ZNF385B: variants seen among roughly 807,000 people sequenced by gnomAD.
The protein encoded by ZNF385B is zinc finger protein 385B, also known as zinc finger protein 533.
In ZNF385B, 23 loss-of-function variants were observed where a neutral mutation model predicts 39.2. That is an observed-to-expected ratio of 0.59 (90% CI 0.42 to 0.83). ZNF385B has a LOEUF of 0.83. ZNF385B is among the 40% of genes least tolerant of loss of function. The pLI, the probability that ZNF385B is intolerant of heterozygous loss-of-function variation, is 0.00. For missense variants in ZNF385B, 552 were observed against 598.9 expected (o/e 0.92, Z 0.82); for synonymous variants, 205 against 222.6 (o/e 0.92, Z 0.70).
chr2:179,750,163 G>T (rs1702590483), intron 3 of ZNF385B, among the ~76,000 whole-genome samples: 1 of 152,042 alleles, frequency 6.6e-6, no homozygotes, highest in East Asian at 1.9e-4. Context: ...TGACACCATT[G>T]AAAACGGCTG....
intron 3 of ZNF385B, among the ~76,000 whole-genome samples, chr2:179,717,450 T>C (rs1244585721): frequency 6.6e-6 from 1 of 152,144 alleles, no homozygotes; most frequent in Admixed American, 6.6e-5. Context: ...TAAGAAAGTA[T>C]GGCTGGGCAC....
intron 1 of ZNF385B, among the ~76,000 whole-genome samples, chr2:179,771,113 G>A (rs1703984007): frequency 6.6e-6 from 1 of 151,884 alleles, no homozygotes; most frequent in South Asian, 2.1e-4. Context: ...AGAGATGAGG[G>A]GTTTATATGA....
At chr2:179,745,819 C>T (rs1164553079) in intron 3 of ZNF385B, 21 of 1,420,704 alleles carry the variant, frequency 1.5e-5, no homozygotes, top group Admixed American at 2.8e-5. Context: ...TAATGCACAG[C>T]GCTACCGAGA....
At chr2:179,718,970 G>GTGTGTA (rs1336292033) in intron 3 of ZNF385B, among the ~76,000 whole-genome samples, 2 of 120,798 alleles carry the variant, frequency 1.7e-5, no homozygotes, top group Admixed American at 7.8e-5. Context: ...GTGTGTGTGT[G>GTGTGTA]TATATATATT....
Position 179,544,887 on chromosome 2 carries a change from T to A in ZNF385B, c.381A>T (p.Pro127=). ...LMMQPSLDIK[P]FMSFPVDSSS... The stretch of plus-strand genomic sequence containing the variant: ...TACTGTCCACTGGAAAAGACATAAA[T>A]GGTTTGATATCCAGTGAAGGCTGCA... Residue 127 remains proline, a synonymous_variant, in exon 4 of 10, where the codon CCA becomes CCT. Coordinates refer to ENST00000410066, the MANE Select transcript of ZNF385B (RefSeq NM_152520.6). 1 of 1,614,074 alleles carries A rather than the reference T, an allele frequency of 6.2e-7. No homozygotes were observed. The highest frequency in any genetic ancestry group is 1.1e-5 in the South Asian group (1 of 91,084).
At chr2:179,616,157 T>A (rs924688733) in intron 3 of ZNF385B, among the ~76,000 whole-genome samples, 2 of 152,178 alleles carry the variant, frequency 1.3e-5, no homozygotes, top group African/African-American at 4.8e-5. Context: ...AGTTTCCTCA[T>A]CTCTTAAGCA....
At chr2:179,591,660 CT>C (rs938639341) in intron 3 of ZNF385B, among the ~76,000 whole-genome samples, 3 of 152,200 alleles carry the variant, frequency 2.0e-5, no homozygotes, top group Non-Finnish European at 4.4e-5. Flanking sequence ...AGTAAAGCCA[CT>C]GAACTTTCTC....
chr2:179,602,842 A>G (rs185506590), intron 3 of ZNF385B, among the ~76,000 whole-genome samples: 2 of 152,344 alleles, frequency 1.3e-5, no homozygotes, highest in East Asian at 3.9e-4. Context: ...CTTGAAAGGT[A>G]CATGCATTGC....
chr2:179,442,967 C>T lies in ZNF385B; in HGVS notation c.*283G>A. ...TTTTTCTTTCTGACCAATACATGCT[C>T]AAGAAATCAAATATCTGAGATACAC... On this transcript the variant is annotated 3_prime_UTR_variant, in exon 10 of 10. Coordinates refer to ENST00000410066, the MANE Select transcript of ZNF385B (RefSeq NM_152520.6). 2 of 517,278 alleles carry T rather than the reference C, an allele frequency of 3.9e-6. No homozygotes were observed. The highest frequency in any genetic ancestry group is 4.3e-5 in the South Asian group (2 of 46,850). The allele number at this position is 517,278 out of a possible 1,614,324, so 32.0% of individuals were successfully genotyped here.
intron 3 of ZNF385B, among the ~76,000 whole-genome samples, chr2:179,699,148 C>T (rs1411055819): frequency 1.3e-5 from 2 of 151,542 alleles, no homozygotes; most frequent in Non-Finnish European, 2.9e-5. Context: ...CCATTTTAAC[C>T]ATTTTTAAAT....
intron 3 of ZNF385B, among the ~76,000 whole-genome samples, chr2:179,764,238 C>T (rs1203691073): frequency 6.6e-6 from 1 of 152,088 alleles, no homozygotes; most frequent in African/African-American, 2.4e-5. Flanking sequence ...TTCTTTACTC[C>T]CTACTTCATC....
intron 3 of ZNF385B, among the ~76,000 whole-genome samples, chr2:179,733,530 C>A (rs1417520208): frequency 6.6e-6 from 1 of 152,154 alleles, no homozygotes. Flanking sequence ...CACCTGTAAT[C>A]CCAGCACTTT....
chr2:179,571,152 A>T (rs1685168225), intron 3 of ZNF385B, among the ~76,000 whole-genome samples: 1 of 152,222 alleles, frequency 6.6e-6, no homozygotes, highest in Admixed American at 6.5e-5. Context: ...TTCAGTGTAC[A>T]CTGAAAGAAT....
chr2:179,699,141 T>C (rs1698987833), intron 3 of ZNF385B, among the ~76,000 whole-genome samples: 1 of 151,886 alleles, frequency 6.6e-6, no homozygotes, highest in Non-Finnish European at 1.5e-5. Flanking sequence ...AAATTTACCA[T>C]TTTAACCATT....
At chr2:179,472,641 G>T (rs1185796020) in intron 6 of ZNF385B, among the ~76,000 whole-genome samples, 1 of 152,192 alleles carries the variant, frequency 6.6e-6, no homozygotes, top group African/African-American at 2.4e-5. Context: ...GTTTACCAAG[G>T]AAAGTGTTTT....
At chr2:179,561,009 T>G (rs769116512) in intron 3 of ZNF385B, among the ~76,000 whole-genome samples, 4 of 152,174 alleles carry the variant, frequency 2.6e-5, no homozygotes, top group Non-Finnish European at 4.4e-5. Flanking sequence ...GTTAGAAACC[T>G]GAGTGCACCA....
In ZNF385B at chr2:179,733,782, CAAA is replaced by C. The variant is rs11400555; in HGVS notation, c.298+35718_298+35720del. On this transcript the variant is annotated intron_variant, in intron 3 of 9. Coordinates refer to ENST00000410066, the MANE Select transcript of ZNF385B (RefSeq NM_152520.6). ...TGAGTGACAGAGCGAGACTCCGTCT[CAAA>C]AAAAAAAAAAAAAAAAAGTACAAGA... Among the ~76,000 whole-genome samples the C allele has an allele frequency of 9.4e-4, 97 of 103,476 alleles. 3 individuals carry two copies. The East Asian group carries it at 0.018, about 19-fold the overall frequency. The allele number at this position is 103,476 out of a possible 152,430, so 67.9% of individuals were successfully genotyped here.
intron 6 of ZNF385B, among the ~76,000 whole-genome samples, chr2:179,466,943 A>G (rs549195965): frequency 3.3e-3 from 479 of 145,766 alleles, no homozygotes; most frequent in Middle Eastern, 0.015. Context: ...AAAAAAAAAA[A>G]AGAGAGAGAG....
intron 1 of ZNF385B, among the ~76,000 whole-genome samples, chr2:179,836,376 G>T (rs78113457): frequency 0.017 from 2,570 of 152,204 alleles, 36 homozygotes; most frequent in South Asian, 0.03. Flanking sequence ...GTTAAACTCT[G>T]TATTGCTTCT....
Sources: allele counts gnomAD v4.1 joint callset (sites outside exome capture counted in the v4.1 genomes callset), GRCh38; gene constraint gnomAD v4.1.1; transcripts MANE v1.5; gene names NCBI Gene and HGNC (gene_info 2026-07-23, HGNC 2026-07-21).